CMYA5: variants seen among roughly 807,000 people sequenced by gnomAD.
The protein encoded by CMYA5 is cardiomyopathy associated 5, also known as cardiomyopathy-associated protein 5.
A neutral mutation model predicts 318.9 loss-of-function variants in CMYA5; 246 were observed. The observed-to-expected ratio is 0.77, with a 90% CI of 0.70 to 0.86. The LOEUF is 0.86. CMYA5 is among the 40% of genes least tolerant of loss of function. The pLI is 0.00. For synonymous variants in CMYA5, 1,641 were observed against 1,729.5 expected, an observed-to-expected ratio of 0.95 and a Z score of 1.27; for missense variants, 4,589 against 4,678.2, an observed-to-expected ratio of 0.98 and a Z score of 0.56.
rs149827330 is a variant in CMYA5, at chr5:79,733,252, A to G, written c.4487A>G (p.Asp1496Gly). The G allele has an allele frequency of 2.4e-5, 39 of 1,613,644 alleles. No homozygotes were observed. The African/African-American group carries it at 4.4e-4, about 18-fold the overall frequency. Residue 1496 changes from aspartate (D) to glycine (G), a missense_variant, in exon 2 of 13, where the codon GAT becomes GGT. Physicochemically the swap from Asp to Gly is moderately conservative, Grantham distance 94 (BLOSUM62 -1). Coordinates refer to ENST00000446378, the MANE Select transcript of CMYA5 (RefSeq NM_153610.5). The part of the protein sequence containing the change: ...SEEARVEDKQ[D>G]LLFSTVCDSE... ...GAAGCAAGGGTAGAAGACAAACAAG[A>G]TCTTTTATTTTCTACAGTCTGTGAC... is the stretch of plus-strand genomic sequence containing the variant.
chr5:79,786,380 T>A (rs1374464125), intron 9 of CMYA5, among the ~76,000 whole-genome samples: 1 of 152,342 alleles, frequency 6.6e-6, no homozygotes, highest in East Asian at 1.9e-4. Context: ...AAATTTCTAA[T>A]TGTCTTTCAA....
intron 10 of CMYA5, among the ~76,000 whole-genome samples, chr5:79,790,630 G>A (rs1829159644): frequency 6.6e-6 from 1 of 152,208 alleles, no homozygotes; most frequent in Admixed American, 6.5e-5. Flanking sequence ...ATACAGATTT[G>A]AAGTCAGGAG....
chr5:79,693,489 C>T (rs1031145787), intron 1 of CMYA5, among the ~76,000 whole-genome samples: 11 of 152,076 alleles, frequency 7.2e-5, no homozygotes, highest in Admixed American at 2.0e-4. Context: ...TACAGGTGTG[C>T]ATCACCAGGC....
At chr5:79,702,218 G>A (rs780493084) in intron 1 of CMYA5, among the ~76,000 whole-genome samples, 11 of 152,110 alleles carry the variant, frequency 7.2e-5, no homozygotes, top group Admixed American at 2.0e-4. Context: ...GCAACATGGC[G>A]AGACCCTGTT....
In CMYA5 at chr5:79,736,829, T is replaced by C. The variant is rs1828081737; in HGVS notation, c.8064T>C (p.Asp2688=). ...AGCTATCGAAAGGCGGTTCAGTAGATATCACAAAAGAAACTGTGAAACAAG... is the reference window on the plus strand; with the variant it reads ...AGCTATCGAAAGGCGGTTCAGTAGACATCACAAAAGAAACTGTGAAACAAG... The part of the protein sequence containing the change: ...ESELSKGGSV[D]ITKETVKQGF... Residue 2688 remains aspartate (D), a synonymous_variant, in exon 2 of 13, where the codon GAT becomes GAC. Transcript: ENST00000446378. 4.4e-6 allele frequency: 7 copies of C among 1,607,956 alleles called. No homozygotes were observed. The East Asian group carries it at 1.6e-4, about 36-fold the overall frequency.
At chr5:79,750,916 G>A (rs1055609814) in intron 5 of CMYA5, among the ~76,000 whole-genome samples, 2 of 152,166 alleles carry the variant, frequency 1.3e-5, no homozygotes, top group Admixed American at 1.3e-4. Context: ...GCTACAAAAT[G>A]TCCTACATTA....
Position 79,799,694 on chromosome 5 carries a change from C to T in CMYA5, c.*78C>T. ...GCTGTTCATTCCTTTAGGTGCTATA[C>T]ATTATTCAAAAAGTCTCCCGCGCAT... is the stretch of plus-strand genomic sequence containing the variant. On this transcript the variant is annotated 3_prime_UTR_variant, in exon 13 of 13. Transcript: ENST00000446378. 6.7e-7 allele frequency: 1 copy of T among 1,488,024 alleles called. No homozygotes were observed. The highest frequency in any genetic ancestry group is 1.3e-5 in the South Asian group (1 of 74,646). 92.2% of individuals were successfully genotyped at this position (1,488,024 alleles called of 1,614,324 possible). A position where few individuals can be genotyped will look rare whatever the true frequency, so the allele number is the denominator to read the frequency against.
chr5:79,796,348 G>A (rs1441601110), intron 12 of CMYA5, among the ~76,000 whole-genome samples: 1 of 151,416 alleles, frequency 6.6e-6, no homozygotes, highest in Admixed American at 6.6e-5. Flanking sequence ...TTCGACAAAT[G>A]TTTATTGAGT....
chr5:79,770,271 C>T (rs1828829850), intron 9 of CMYA5, among the ~76,000 whole-genome samples: 1 of 152,214 alleles, frequency 6.6e-6, no homozygotes, highest in Non-Finnish European at 1.5e-5. Flanking sequence ...AGCTAGACCA[C>T]TTGGCTCCCT....
At chr5:79,750,425 A>T (rs1244419138) in intron 5 of CMYA5, among the ~76,000 whole-genome samples, 1 of 152,198 alleles carries the variant, frequency 6.6e-6, no homozygotes, top group Non-Finnish European at 1.5e-5. Context: ...TCAACAGCAG[A>T]CTATTAGTAG....
chr5:79,710,067 A>G (rs1827359876), intron 1 of CMYA5, among the ~76,000 whole-genome samples: 1 of 151,444 alleles, frequency 6.6e-6, no homozygotes, highest in African/African-American at 2.4e-5. Flanking sequence ...CTGTGAGGCT[A>G]GATTTTCTTT....
intron 1 of CMYA5, among the ~76,000 whole-genome samples, chr5:79,722,807 A>G (rs1031118039): frequency 2.6e-5 from 4 of 152,142 alleles, no homozygotes; most frequent in Admixed American, 2.6e-4. Context: ...GTACATTTAA[A>G]AGATCCTAAA....
intron 9 of CMYA5, among the ~76,000 whole-genome samples, chr5:79,786,346 G>A (rs952124738): frequency 6.6e-6 from 1 of 152,182 alleles, no homozygotes; most frequent in Non-Finnish European, 1.5e-5. Context: ...CACACTTAGG[G>A]CCCAAAATGA....
chr5:79,692,735 T>C (rs1057404506), intron 1 of CMYA5, among the ~76,000 whole-genome samples: 9 of 152,226 alleles, frequency 5.9e-5, no homozygotes, highest in African/African-American at 2.2e-4. Context: ...CATTAAGCTT[T>C]AGTTTCTTTT....
Position 79,734,007 on chromosome 5 carries a change from T to G in CMYA5, c.5242T>G (p.Leu1748Val), listed in dbSNP as rs749328624. The change falls in exon 2 of 13, where the codon TTA (leucine) becomes GTA (valine). Residue 1748 changes from leucine to valine, a missense_variant. Around this residue, in one of 3 missense-constraint regions of CMYA5, gnomAD observed 2,132 missense variants for 2,131.3 expected, o/e 1.00. Transcript: ENST00000446378. ...AGAATTTCAGCCATTTACTTTTTCT[T>G]TAAAAGGATTATCAGAGGAGGTTAG... is the stretch of plus-strand genomic sequence containing the variant. ...PEEFQPFTFS[L>V]KGLSEEVSHP... The G allele has an allele frequency of 6.2e-7, 1 of 1,613,652 alleles. No individual in the cohort carries two copies. The highest frequency in any genetic ancestry group is 2.2e-5 in the East Asian group (1 of 44,864).
At chr5:79,793,198 A>G (rs182147567) in intron 11 of CMYA5, among the ~76,000 whole-genome samples, 1 of 152,272 alleles carries the variant, frequency 6.6e-6, no homozygotes, top group East Asian at 1.9e-4. Flanking sequence ...GCAGTGTACA[A>G]CATGCATGTT....
chr5:79,765,400 T>C (rs1291663245), intron 9 of CMYA5, among the ~76,000 whole-genome samples: 2 of 152,222 alleles, frequency 1.3e-5, no homozygotes, highest in Non-Finnish European at 2.9e-5. Context: ...AGCCTTGTAG[T>C]ATAGTTTGAA....
chr5:79,770,050 G>C (rs997642246), intron 9 of CMYA5, among the ~76,000 whole-genome samples: 1 of 152,218 alleles, frequency 6.6e-6, no homozygotes, highest in African/African-American at 2.4e-5. Flanking sequence ...GCTTTGCTGA[G>C]CTGCGGTGGG....
At chr5:79,727,085 T>C (rs1827764876) in intron 1 of CMYA5, among the ~76,000 whole-genome samples, 1 of 151,794 alleles carries the variant, frequency 6.6e-6, no homozygotes, top group African/African-American at 2.4e-5. Context: ...CCAGCTAATT[T>C]TTGTATTTTT....
Sources: allele counts gnomAD v4.1 joint callset (sites outside exome capture counted in the v4.1 genomes callset), GRCh38; gene constraint gnomAD v4.1.1; regional missense constraint gnomAD v4.1.1; transcripts MANE v1.5; gene names NCBI Gene and HGNC (gene_info 2026-07-23, HGNC 2026-07-21).